UBE2Q2: variants seen among roughly 807,000 people sequenced by gnomAD.
The protein encoded by UBE2Q2 is ubiquitin-conjugating enzyme E2 Q2.
UBE2Q2 carries 54 observed loss-of-function variants against 59.9 expected under a neutral mutation model. The ratio of observed to expected loss-of-function variants is 0.90; its 90% CI spans 0.72 to 1.13. UBE2Q2 has a LOEUF of 1.13. UBE2Q2 is among the 50% of genes most tolerant of loss of function. The pLI, the probability that UBE2Q2 is intolerant of heterozygous loss-of-function variation, is 0.00. For synonymous variants in UBE2Q2, 165 were observed against 155.2 expected (o/e 1.06, Z -0.47); for missense variants, 433 against 441.9 (o/e 0.98, Z 0.18).
intron 3 of UBE2Q2, among the ~76,000 whole-genome samples, chr15:75,860,356 C>T (rs1210955967): frequency 2.0e-5 from 3 of 152,184 alleles, no homozygotes; most frequent in African/African-American, 7.2e-5. Flanking sequence ...ATGTTATCTC[C>T]TGCAAGCAAC....
Position 75,859,999 on chromosome 15 carries a change from C to G in UBE2Q2, c.387+17C>G, listed in dbSNP as rs1186799308. 1 of 1,555,222 alleles carries G rather than the reference C, an allele frequency of 6.4e-7. No individual in the cohort carries two copies. The highest frequency in any genetic ancestry group is 8.7e-7 in the Non-Finnish European group (1 of 1,145,188). On this transcript the variant is annotated intron_variant, in intron 3 of 12. Coordinates refer to ENST00000267938, the MANE Select transcript of UBE2Q2 (RefSeq NM_173469.4). ...ACGGGTCAGGTAAAGTAAAAATTCT[C>G]TAGTGTTCAAGAGCTAAATAAATTG...
At position 75,859,985 on chromosome 15, in the gene UBE2Q2, A is replaced by G. The variant is rs1333170472; in HGVS notation, c.387+3A>G. 1.9e-6 allele frequency: 3 copies of G among 1,587,170 alleles called. No individual in the cohort carries two copies. The highest frequency in any genetic ancestry group is 8.5e-7 in the Non-Finnish European group (1 of 1,170,390). ...ATCAACCACTACCCACGGGTCAGGT[A>G]AAGTAAAAATTCTCTAGTGTTCAAG... is the stretch of plus-strand genomic sequence containing the variant. On this transcript the variant is annotated splice_donor_region_variant and intron_variant, in intron 3 of 12. Coordinates refer to ENST00000267938, the MANE Select transcript of UBE2Q2 (RefSeq NM_173469.4).
At chr15:75,844,048 C>T (rs1249385530) in intron 1 of UBE2Q2, 17 of 1,408,466 alleles carry the variant, frequency 1.2e-5, no homozygotes, top group East Asian at 5.5e-5. Flanking sequence ...GAGGGCGCGT[C>T]TTTCCGGCTT....
In UBE2Q2 at chr15:75,853,750, G is replaced by A. The variant is rs1393382918; in HGVS notation, c.181-636G>A. On this transcript the variant is annotated intron_variant, in intron 1 of 12. Transcript: ENST00000267938. ...CTCACCAGGCAGCGAAGTTGTTGGT[G>A]GCAGCTGTGATCATCCTAAGGCAGG... 3.3e-5 allele frequency among the ~76,000 whole-genome samples: 5 copies of A among 152,260 alleles called. No homozygotes were observed. The East Asian group carries it at 7.7e-4, about 24-fold the overall frequency.
chr15:75,857,540 T>C (rs1896981037), intron 2 of UBE2Q2, among the ~76,000 whole-genome samples: 1 of 152,178 alleles, frequency 6.6e-6, no homozygotes. Flanking sequence ...GTTATTATAA[T>C]CTGGATTCTG....
chr15:75,855,390 C>G (rs1240445082), intron 2 of UBE2Q2, among the ~76,000 whole-genome samples: 1 of 151,598 alleles, frequency 6.6e-6, no homozygotes, highest in Admixed American at 6.6e-5. Context: ...ACTTGGGAGG[C>G]TGAGGCAGGA....
chr15:75,869,791 A>G (rs1245324585), intron 4 of UBE2Q2, among the ~76,000 whole-genome samples: 2 of 152,192 alleles, frequency 1.3e-5, no homozygotes, highest in Non-Finnish European at 2.9e-5. Context: ...AGTAGAGTGC[A>G]TTCCAAAGAC....
At position 75,872,012 on chromosome 15, in the gene UBE2Q2, A is replaced by AAACAT. The variant is rs552527305; in HGVS notation, c.448-1415_448-1411dup. The stretch of plus-strand genomic sequence containing the variant: ...AAGGCATTTGTGAGAATTGTGAGGA[A>AAACAT]AACATGTAGGATGGAAGATCAGGGC... On this transcript the variant is annotated intron_variant, in intron 4 of 12. Coordinates refer to ENST00000267938, the MANE Select transcript of UBE2Q2 (RefSeq NM_173469.4). Among the ~76,000 whole-genome samples, 87 of 152,250 alleles carry AAACAT rather than the reference A, an allele frequency of 5.7e-4. 1 individual carries two copies. The highest frequency in any genetic ancestry group is 2.0e-3 in the African/African-American group (81 of 41,512).
intron 9 of UBE2Q2, among the ~76,000 whole-genome samples, chr15:75,889,035 A>G (rs1207401572): frequency 6.6e-6 from 1 of 152,216 alleles, no homozygotes; most frequent in Non-Finnish European, 1.5e-5. Flanking sequence ...GCTTTCAGCA[A>G]TTGTGGAACC....
At chr15:75,886,831 C>A (rs981117110) in intron 9 of UBE2Q2, among the ~76,000 whole-genome samples, 7 of 151,362 alleles carry the variant, frequency 4.6e-5, no homozygotes, top group Non-Finnish European at 7.4e-5. Flanking sequence ...AGGTTGCAGT[C>A]CAGCCTGGGC....
chr15:75,898,073 A>G (rs753130835), intron 12 of UBE2Q2, among the ~76,000 whole-genome samples: 3 of 152,170 alleles, frequency 2.0e-5, no homozygotes, highest in Non-Finnish European at 4.4e-5. Context: ...AAACCTGTGT[A>G]CTACTTTGAT....
chr15:75,859,439 C>G (rs1897098233), intron 2 of UBE2Q2, among the ~76,000 whole-genome samples: 1 of 151,960 alleles, frequency 6.6e-6, no homozygotes, highest in Non-Finnish European at 1.5e-5. Flanking sequence ...ATGAATATGA[C>G]TGGAATATAT....
At chr15:75,883,541 A>T in intron 9 of UBE2Q2, 117 bp downstream of exon 9, 1 of 702,646 alleles carries the variant, frequency 1.4e-6, no homozygotes, top group South Asian at 1.8e-5. Context: ...GGCTCAAGTG[A>T]TCCTCCCACC....
intron 2 of UBE2Q2, among the ~76,000 whole-genome samples, chr15:75,856,403 A>G (rs374827064): frequency 4.6e-5 from 7 of 152,182 alleles, no homozygotes; most frequent in African/African-American, 1.7e-4. Context: ...GACTTGTTCA[A>G]CCAGATGTTC....
intron 9 of UBE2Q2, among the ~76,000 whole-genome samples, chr15:75,889,751 T>C (rs997578336): frequency 5.3e-5 from 8 of 152,222 alleles, no homozygotes; most frequent in Non-Finnish European, 1.0e-4. Context: ...TATTTATGTA[T>C]TTTGAAATTT....
chr15:75,881,267 T>C (rs1269488077), intron 8 of UBE2Q2, among the ~76,000 whole-genome samples: 1 of 151,920 alleles, frequency 6.6e-6, no homozygotes, highest in African/African-American at 2.4e-5. Context: ...TGTGGCCCCC[T>C]GTGTGCCCCT....
intron 1 of UBE2Q2, chr15:75,844,276 C>G: frequency 3.2e-6 from 5 of 1,538,718 alleles, no homozygotes; most frequent in Non-Finnish European, 4.4e-6. Flanking sequence ...TTTAACGCCT[C>G]ATTTTTCAGT....
intron 1 of UBE2Q2, 127 bp downstream of exon 1, chr15:75,843,973 T>G (rs1230295725): frequency 2.1e-6 from 3 of 1,400,090 alleles, no homozygotes; most frequent in Non-Finnish European, 1.8e-6. Flanking sequence ...GCCCGCCCCT[T>G]TCCCCCGCGA....
At chr15:75,844,466 T>C (rs750274406) in intron 1 of UBE2Q2, 139 of 1,551,356 alleles carry the variant, frequency 9.0e-5, no homozygotes, top group Non-Finnish European at 1.1e-4. Flanking sequence ...GAAAGGAGCA[T>C]AGTACCGTCG....
Sources: allele counts gnomAD v4.1 joint callset (sites outside exome capture counted in the v4.1 genomes callset), GRCh38; gene constraint gnomAD v4.1.1; transcripts MANE v1.5; gene names NCBI Gene and HGNC (gene_info 2026-07-23, HGNC 2026-07-21).